The following ZNF469 variants were observed in gnomAD, a reference collection of about 807,000 sequenced individuals.
ZNF469 encodes the protein zinc finger protein 469.
In ZNF469, 1 loss-of-function variant was observed where a neutral mutation model predicts 1.0. That is an observed-to-expected ratio of 1.00 (90% CI 0.35 to 4.73). The LOEUF is 4.73. Among genes scored for constraint, ZNF469 ranks in the 30% most tolerant of loss-of-function variants. The pLI is 0.16. For synonymous variants in ZNF469, 2,703 were observed against 2,363.4 expected, an observed-to-expected ratio of 1.14 and a Z score of -4.17; for missense variants, 6,100 against 5,356.3, an observed-to-expected ratio of 1.14 and a Z score of -4.33.
the ZNF469 span, among the ~76,000 whole-genome samples, chr16:88,372,559 TTCACCATCA>T: frequency 6.7e-6 from 1 of 148,372 alleles, no homozygotes; most frequent in East Asian, 2.1e-4. Flanking sequence ...CTTTACCATC[TTCACCATCA>T]TCACCATCAC....
At chr16:88,228,035 C>T in the ZNF469 span, among the ~76,000 whole-genome samples, 1 of 152,378 alleles carries the variant, frequency 6.6e-6, no homozygotes, top group African/African-American at 2.4e-5. Context: ...TCATGTGGCT[C>T]CTCCTTTTCT....
the ZNF469 span, among the ~76,000 whole-genome samples, chr16:88,328,915 G>A: frequency 1.3e-5 from 2 of 152,170 alleles, no homozygotes; most frequent in African/African-American, 4.8e-5. Context: ...GGAGGAGGCC[G>A]AGGAGGGAGC....
At chr16:88,302,346 A>C in the ZNF469 span, 3 of 152,238 alleles carry the variant, frequency 2.0e-5, no homozygotes, top group African/African-American at 4.8e-5. Flanking sequence ...GTCTCACTCA[A>C]GATAAAATTC....
At position 88,430,577 on chromosome 16, in the gene ZNF469, C is replaced by T; in HGVS notation, c.3107C>T (p.Pro1036Leu). The T allele has an allele frequency of 1.3e-6, 2 of 1,498,904 alleles. No homozygotes were observed. The highest frequency in any genetic ancestry group is 1.8e-6 in the Non-Finnish European group (2 of 1,130,966). The allele number at this position is 1,498,904 out of a possible 1,614,324, so 92.9% of individuals were successfully genotyped here. The change falls in exon 3 of 3, where the codon CCC becomes CTC. Residue 1036 changes from proline to leucine, a missense_variant. By Grantham distance (98) the Pro-to-Leu change is moderately conservative. Coordinates refer to ENST00000565624, the MANE Select transcript of ZNF469 (RefSeq NM_001367624.2). Reference sequence around the variant, plus strand: ...CGCCGGCTGCCCCCCAGGAAGGACCCCAGGAAGAGGAAGGCTCGGGGCGGC... The same window carrying T: ...CGCCGGCTGCCCCCCAGGAAGGACCTCAGGAAGAGGAAGGCTCGGGGCGGC... ...RRRRLPPRKD[P>L]RKRKARGGAW...
At chr16:88,133,375 T>A in the ZNF469 span, among the ~76,000 whole-genome samples, 1 of 152,210 alleles carries the variant, frequency 6.6e-6, no homozygotes, top group Admixed American at 6.5e-5. Flanking sequence ...TCTGCAACCC[T>A]CCCTGTCAAG....
chr16:88,186,703 C>T, the ZNF469 span, among the ~76,000 whole-genome samples: 2 of 152,172 alleles, frequency 1.3e-5, no homozygotes, highest in East Asian at 3.9e-4. Flanking sequence ...CTGAGACGTG[C>T]GGCCCGGGCC....
chr16:88,249,079 C>T, the ZNF469 span, among the ~76,000 whole-genome samples: 1 of 152,124 alleles, frequency 6.6e-6, no homozygotes, highest in Non-Finnish European at 1.5e-5. Context: ...AACCCCACAT[C>T]CATTGCTGAT....
chr16:88,376,176 C>A, the ZNF469 span, among the ~76,000 whole-genome samples: 1 of 152,268 alleles, frequency 6.6e-6, no homozygotes, highest in Admixed American at 6.5e-5. Flanking sequence ...GCCAGTCGCC[C>A]CAGCAACACA....
At chr16:88,193,099 T>G in the ZNF469 span, among the ~76,000 whole-genome samples, 295 of 13,690 alleles carry the variant, frequency 0.022, no homozygotes, top group East Asian at 0.03. Context: ...GGTGATGGTG[T>G]TGATGGTGGT....
the ZNF469 span, among the ~76,000 whole-genome samples, chr16:88,270,936 G>T: frequency 3.4e-3 from 512 of 152,314 alleles, 2 homozygotes; most frequent in African/African-American, 0.012. Context: ...TCAGGTGTGG[G>T]TCCCCCCTCT....
chr16:88,322,197 C>G, the ZNF469 span, among the ~76,000 whole-genome samples: 31 of 152,220 alleles, frequency 2.0e-4, no homozygotes, highest in African/African-American at 7.2e-4. Flanking sequence ...GACTCAGAGC[C>G]CAGCGTGTCA....
chr16:88,148,595 C>T, the ZNF469 span, among the ~76,000 whole-genome samples: 84,574 of 152,070 alleles, frequency 0.56, 28,089 homozygotes, highest in Non-Finnish European at 0.76. Context: ...TCCAGGGTCC[C>T]TGAGCTCCCA....
intron 1 of ZNF469, among the ~76,000 whole-genome samples, chr16:88,397,215 G>A (rs1260660527): frequency 6.6e-6 from 1 of 152,262 alleles, no homozygotes; most frequent in African/African-American, 2.4e-5. Flanking sequence ...AAGGACCCAG[G>A]GAAGCCTCTC....
At chr16:88,115,249 G>A in the ZNF469 span, among the ~76,000 whole-genome samples, 1 of 152,198 alleles carries the variant, frequency 6.6e-6, no homozygotes, top group Admixed American at 6.5e-5. Context: ...ATTTTCAAGG[G>A]GCTGGATTAT....
At chr16:88,357,322 G>A in the ZNF469 span, among the ~76,000 whole-genome samples, 1,549 of 152,342 alleles carry the variant, frequency 0.01, 16 homozygotes, top group Middle Eastern at 0.027. Context: ...TCACTGCAGC[G>A]TGGTGCCACC....
At chr16:88,224,040 C>T in the ZNF469 span, among the ~76,000 whole-genome samples, 1 of 152,054 alleles carries the variant, frequency 6.6e-6, no homozygotes, top group Non-Finnish European at 1.5e-5. Flanking sequence ...ATGATAAGAG[C>T]GATGTTGACT....
the ZNF469 span, among the ~76,000 whole-genome samples, chr16:88,342,505 G>A: frequency 6.6e-6 from 1 of 152,216 alleles, no homozygotes; most frequent in African/African-American, 2.4e-5. Context: ...CTGCTCTGAT[G>A]CACGGTGGGG....
the ZNF469 span, among the ~76,000 whole-genome samples, chr16:88,349,313 C>G: frequency 6.6e-6 from 1 of 152,064 alleles, no homozygotes; most frequent in Non-Finnish European, 1.5e-5. Flanking sequence ...ACCACACACG[C>G]TGCATGGGAC....
At chr16:88,137,532 CAT>C in the ZNF469 span, among the ~76,000 whole-genome samples, 10 of 148,466 alleles carry the variant, frequency 6.7e-5, no homozygotes, top group African/African-American at 2.2e-4. Context: ...CATGCAACCA[CAT>C]GTGTCAGCTA....
Sources: allele counts gnomAD v4.1 joint callset (sites outside exome capture counted in the v4.1 genomes callset), GRCh38; gene constraint gnomAD v4.1.1; transcripts MANE v1.5; gene names NCBI Gene and HGNC (gene_info 2026-07-23, HGNC 2026-07-21).